Variants in LINGO1 observed in about 807,000 individuals in gnomAD.
The protein encoded by LINGO1 is leucine-rich repeat and immunoglobulin-like domain-containing nogo receptor-interacting protein 1.
A neutral mutation model predicts 37.3 loss-of-function variants in LINGO1; 11 were observed. That is an observed-to-expected ratio of 0.29 (90% confidence interval 0.19 to 0.49). The LOEUF (loss-of-function observed/expected upper bound fraction) is 0.49. LINGO1 is among the 20% of genes least tolerant of loss of function. The pLI is 0.99. For missense variants in LINGO1, 585 were observed against 878.2 expected (o/e 0.67, Z 4.22); for synonymous variants, 387 against 403.0 (o/e 0.96, Z 0.48).
rs183382396 is a variant in LINGO1, at chr15:77,739,808, G to C, written c.-256-4755C>G. 1.8e-4 allele frequency among the ~76,000 whole-genome samples: 27 copies of C among 152,354 alleles called. No homozygotes were observed. In the East Asian group the frequency reaches 5.2e-3, roughly 29 times the overall value. Reference sequence around the variant, plus strand: ...AAGAGCCACCTATGATACACAAAGGGAGCACAGCGGTGGCTGGGATGGCTG... The same window carrying C: ...AAGAGCCACCTATGATACACAAAGGCAGCACAGCGGTGGCTGGGATGGCTG... On this transcript the variant is annotated intron_variant, in intron 1 of 3. Coordinates refer to the LINGO1 transcript ENST00000561686.
intron 1 of LINGO1, among the ~76,000 whole-genome samples, chr15:77,765,373 C>T (rs2076517571): frequency 1.3e-5 from 2 of 151,858 alleles, no homozygotes; most frequent in South Asian, 2.1e-4. Flanking sequence ...CGAGACCGTG[C>T]CACTGCACTC....
intron 2 of LINGO1, among the ~76,000 whole-genome samples, chr15:77,722,192 C>CTTGTTAATG (rs2076057561): frequency 5.4e-5 from 2 of 37,276 alleles, no homozygotes; most frequent in Non-Finnish European, 1.3e-4. Flanking sequence ...TTTTAAATGG[C>CTTGTTAATG]CCGGTAAAGC....
At chr15:77,696,888 G>A (rs1596123226), upstream of LINGO1, among the ~76,000 whole-genome samples, 1 of 152,264 alleles carries the variant, frequency 6.6e-6, no homozygotes, top group South Asian at 2.1e-4. Context: ...ACAGGCATGG[G>A]CGGGGCCCAC....
At position 77,793,816 on chromosome 15, in the gene LINGO1, C is replaced by G. The variant is rs139417175; in HGVS notation, c.-343+2123G>C. Among the ~76,000 whole-genome samples the G allele has an allele frequency of 1.8e-4, 28 of 152,346 alleles. No homozygotes were observed. In the East Asian group the frequency reaches 5.4e-3, roughly 29 times the overall value. Reference sequence around the variant, plus strand: ...AAGTACAGCTTGATCCCAATTATGTCATAAATACATGTTTTGTAGAAGACT... The same window carrying G: ...AAGTACAGCTTGATCCCAATTATGTGATAAATACATGTTTTGTAGAAGACT... On this transcript the variant is annotated intron_variant, in intron 2 of 5. Transcript: ENST00000562933.
intron 1 of LINGO1, among the ~76,000 whole-genome samples, chr15:77,762,389 C>T (rs2076486496): frequency 4.6e-5 from 7 of 152,176 alleles, no homozygotes; most frequent in Admixed American, 4.6e-4. Context: ...GGAGAGGCCT[C>T]CTCCAGGAAG....
intron 1 of LINGO1, among the ~76,000 whole-genome samples, chr15:77,780,213 G>A (rs1162587479): frequency 6.6e-6 from 1 of 152,188 alleles, no homozygotes; most frequent in Non-Finnish European, 1.5e-5. Flanking sequence ...CCAGTGGGCT[G>A]GGCAGGAAGT....
At chr15:77,643,041 A>G (rs1305858929) in intron 3 of LINGO1, among the ~76,000 whole-genome samples, 1 of 152,204 alleles carries the variant, frequency 6.6e-6, no homozygotes, top group Admixed American at 6.5e-5. Flanking sequence ...ACTCACACAC[A>G]GCGCACTCTC....
At chr15:77,674,700 C>G (rs1325311305) in intron 3 of LINGO1, among the ~76,000 whole-genome samples, 1 of 152,034 alleles carries the variant, frequency 6.6e-6, no homozygotes, top group Non-Finnish European at 1.5e-5. Flanking sequence ...TACTTAAATG[C>G]CACCTCTCGA....
chr15:77,771,101 G>A (rs1353527453), intron 1 of LINGO1, among the ~76,000 whole-genome samples: 2 of 152,178 alleles, frequency 1.3e-5, no homozygotes, highest in Non-Finnish European at 2.9e-5. Flanking sequence ...CACAGACCTG[G>A]GGGAGGAGAA....
At chr15:77,764,967 C>A (rs1386667267) in intron 1 of LINGO1, among the ~76,000 whole-genome samples, 1 of 152,136 alleles carries the variant, frequency 6.6e-6, no homozygotes, top group Non-Finnish European at 1.5e-5. Flanking sequence ...GCATGCATTG[C>A]ATTTACCTCC....
At chr15:77,780,114 G>A (rs922149268) in intron 1 of LINGO1, among the ~76,000 whole-genome samples, 4 of 152,222 alleles carry the variant, frequency 2.6e-5, no homozygotes, top group Admixed American at 6.5e-5. Context: ...AGACAGCTTC[G>A]CAGCTGGCAG....
chr15:77,820,153 C>G (rs1481660153), intron 1 of LINGO1: 3 of 152,132 alleles, frequency 2.0e-5, no homozygotes, highest in African/African-American at 7.2e-5. Flanking sequence ...CTCCGCGGCT[C>G]CGCGGCTGCT....
At chr15:77,696,152 G>A (rs2075690065) in intron 1 of LINGO1, 1 of 152,212 alleles carries the variant, frequency 6.6e-6, no homozygotes, top group African/African-American at 2.4e-5. Flanking sequence ...ATCCTCTGAA[G>A]AGGCAAACTG....
intron 1 of LINGO1, among the ~76,000 whole-genome samples, chr15:77,626,095 C>A (rs1408609096): frequency 1.3e-5 from 2 of 152,158 alleles, no homozygotes; most frequent in Non-Finnish European, 2.9e-5. Context: ...GAGACCCTCA[C>A]ACAGATGAGG....
At chr15:77,779,951 A>G (rs760151608) in intron 1 of LINGO1, among the ~76,000 whole-genome samples, 58 of 152,314 alleles carry the variant, frequency 3.8e-4, no homozygotes, top group Admixed American at 5.9e-4. Flanking sequence ...ACCGCCCCTG[A>G]TAAGGACCAT....
chr15:77,638,846 G>C (rs1450470886), upstream of LINGO1, among the ~76,000 whole-genome samples: 1 of 152,138 alleles, frequency 6.6e-6, no homozygotes, highest in Non-Finnish European at 1.5e-5. Flanking sequence ...TGCCCTGCTT[G>C]TGTAATCCCC....
At chr15:77,736,210 T>G (rs939662699) in intron 1 of LINGO1, among the ~76,000 whole-genome samples, 1 of 152,176 alleles carries the variant, frequency 6.6e-6, no homozygotes, top group East Asian at 1.9e-4. Context: ...CCTGAAGGGG[T>G]AGGATCACTT....
upstream of LINGO1, among the ~76,000 whole-genome samples, chr15:77,633,741 G>T (rs567889010): frequency 6.6e-6 from 1 of 152,198 alleles, no homozygotes; most frequent in Non-Finnish European, 1.5e-5. Context: ...GGGATCCTCG[G>T]CTGGGGCCAC....
rs1056162482 is a variant in LINGO1, at chr15:77,719,324, C to T, written c.-195+15668G>A. Among the ~76,000 whole-genome samples, 15 of 150,128 alleles carry T rather than the reference C, an allele frequency of 1.0e-4. 1 individual carries two copies. The highest frequency in any genetic ancestry group is 1.5e-4 in the African/African-American group (6 of 41,328). ...GCACCAGCACCAAGACACTTCTACT[C>T]GGGGCTTCTGGGACCCCATCTCCAT... On this transcript the variant is annotated intron_variant, in intron 2 of 3. Transcript: ENST00000561686.
Sources: gnomAD v4.1 joint callset for allele counts (sites outside exome capture counted in the v4.1 genomes callset) on GRCh38, gnomAD v4.1.1 for gene constraint, MANE v1.5 for transcripts, NCBI Gene and HGNC (gene_info 2026-07-23, HGNC 2026-07-21) for gene names.